ANOS1: variants seen among roughly 807,000 people sequenced by gnomAD.
ANOS1 encodes the protein anosmin 1.
A neutral mutation model predicts 59.0 loss-of-function variants in ANOS1; 6 were observed. The observed-to-expected ratio is 0.10, with a 90% confidence interval of 0.06 to 0.20. The LOEUF (loss-of-function observed/expected upper bound fraction) is 0.20, where lower values mean the gene tolerates loss of function less well. Among genes scored for constraint, ANOS1 ranks in the 10% least tolerant of loss-of-function variants. ANOS1 has a pLI of 1.00. For synonymous variants in ANOS1, 217 were observed against 223.4 expected (o/e 0.97, Z 0.25); for missense variants, 433 against 542.3 (o/e 0.80, Z 2.00).
chrX:8,538,090 T>C (rs1395038338), intron 10 of ANOS1, among the ~76,000 whole-genome samples: 1 of 110,647 alleles, frequency 9.0e-6, no homozygotes, highest in African/African-American at 3.3e-5. Flanking sequence ...AAACAGTGAA[T>C]AGGAAACAAA....
intron 2 of ANOS1, among the ~76,000 whole-genome samples, chrX:8,660,600 C>A (rs895373590): frequency 2.0e-5 from 2 of 100,048 alleles, no homozygotes; most frequent in Admixed American, 1.1e-4. Context: ...CATAGTGAGA[C>A]CCTGTCTATA....
rs191590221 is a variant in ANOS1 at position 8,614,883 on chromosome X, T to A, written c.318+8725A>T. On this transcript the variant is annotated intron_variant, in intron 3 of 13. Transcript: ENST00000262648. ...GTAATATAAGAAAAATATAAAAAAA[T>A]TTTTATATTTTATAAAAAATATAAA... 4.4e-3 allele frequency among the ~76,000 whole-genome samples: 218 copies of A among 50,025 alleles called. No individual in the cohort carries two copies. In the South Asian group the frequency reaches 0.051, roughly 12 times the overall value. 43.4% of individuals were successfully genotyped at this position (50,025 alleles called of 115,157 possible).
intron 8 of ANOS1, among the ~76,000 whole-genome samples, chrX:8,560,420 C>T (rs973908749): frequency 8.9e-6 from 1 of 112,149 alleles, no homozygotes; most frequent in African/African-American, 3.2e-5. Context: ...TGGTTCTGTG[C>T]ATCATATGGT....
intron 2 of ANOS1, among the ~76,000 whole-genome samples, chrX:8,664,593 A>C (rs778358985): frequency 1.8e-5 from 2 of 110,873 alleles, no homozygotes; most frequent in Admixed American, 1.9e-4. Context: ...GCACACACAC[A>C]CATACACACA....
At chrX:8,572,511 C>T (rs1930250152) in intron 6 of ANOS1, among the ~76,000 whole-genome samples, 1 of 112,357 alleles carries the variant, frequency 8.9e-6, no homozygotes, top group African/African-American at 3.2e-5. Flanking sequence ...ATATGTTCCA[C>T]ATTTTCTTTA....
At chrX:8,634,673 TAA>T (rs766560445) in intron 2 of ANOS1, among the ~76,000 whole-genome samples, 2 of 112,088 alleles carry the variant, frequency 1.8e-5, no homozygotes, top group Non-Finnish European at 3.8e-5. Flanking sequence ...TCTCATAACT[TAA>T]GTGTGTTTTT....
chrX:8,610,288 T>G (rs1015648916), intron 3 of ANOS1, among the ~76,000 whole-genome samples: 1 of 111,462 alleles, frequency 9.0e-6, no homozygotes, highest in African/African-American at 3.3e-5. Flanking sequence ...ACCACGTTAT[T>G]CAGACATTGG....
chrX:8,529,116 T>C lies in ANOS1; in HGVS notation c.*3879A>G, dbSNP rs901725967. Reference sequence around the variant, plus strand: ...AAGGGACATGAATTCTACAGACCACTTGGATGAGAAGGTAGCAGTTTTGTT... The same window carrying C: ...AAGGGACATGAATTCTACAGACCACCTGGATGAGAAGGTAGCAGTTTTGTT... On this transcript the variant is annotated 3_prime_UTR_variant, in exon 14 of 14. Transcript: ENST00000262648. The C allele has an allele frequency of 1.2e-4, 13 of 111,894 alleles. No homozygotes were observed. Among genetic ancestry groups the C allele is most frequent in the African/African-American group, 4.2e-4 (13 of 30,852 alleles). 9.2% of individuals were successfully genotyped at this position (111,894 alleles called of 1,213,427 possible).
intron 2 of ANOS1, among the ~76,000 whole-genome samples, chrX:8,656,680 G>A (rs963748622): frequency 2.7e-5 from 3 of 111,517 alleles, no homozygotes; most frequent in Admixed American, 9.6e-5. Context: ...CTTTCTGCAT[G>A]GCATGGATCC....
chrX:8,539,637 A>T (rs1601946119), intron 10 of ANOS1, 27 bp downstream of exon 10: 1 of 1,209,479 alleles, frequency 8.3e-7, no homozygotes, highest in East Asian at 3.0e-5. Context: ...TTCACAGATC[A>T]AGTTGGCCTA....
At chrX:8,654,520 C>T (rs1931899659) in intron 2 of ANOS1, among the ~76,000 whole-genome samples, 1 of 112,250 alleles carries the variant, frequency 8.9e-6, no homozygotes, top group Non-Finnish European at 1.9e-5. Flanking sequence ...TTACAAACCT[C>T]GATTCTTGCT....
chrX:8,535,272 T>C (rs1929569905), intron 12 of ANOS1: 7 of 278,782 alleles, frequency 2.5e-5, no homozygotes, highest in African/African-American at 2.7e-5. Context: ...GCATGTTCAC[T>C]TGGACCAGAG....
In ANOS1 at chrX:8,597,322, T is replaced by C. The variant is rs1406648859; in HGVS notation, c.319-66A>G. The stretch of plus-strand genomic sequence containing the variant: ...CACATGAAGTCTGATTTCCAAGACA[T>C]CTGAAAGGAAGTTCAACATTTTTCC... On this transcript the variant is annotated intron_variant, in intron 3 of 13. Transcript: ENST00000262648. 30 of 957,528 alleles carry C rather than the reference T, an allele frequency of 3.1e-5. No individual in the cohort carries two copies. The East Asian group carries it at 9.8e-4, about 31-fold the overall frequency. The allele number at this position is 957,528 out of a possible 1,213,427, so 78.9% of individuals were successfully genotyped here. A position where few individuals can be genotyped will look rare whatever the true frequency, so the allele number is the denominator to read the frequency against.
In ANOS1 at chrX:8,731,962, G is replaced by C. The variant is rs1385517580; in HGVS notation, c.75C>G (p.Ala25=). 9.0e-7 allele frequency: 1 copy of C among 1,110,660 alleles called. No homozygotes were observed. Among genetic ancestry groups the C allele is most frequent in the Non-Finnish European group, 1.2e-6 (1 of 849,278 alleles). 91.5% of individuals were successfully genotyped at this position (1,110,660 alleles called of 1,213,427 possible). A position where few individuals can be genotyped will look rare whatever the true frequency, so the allele number is the denominator to read the frequency against. Residue 25 remains alanine (A), a synonymous_variant, in exon 1 of 14, where the codon GCC becomes GCG. Coordinates refer to ENST00000262648, the MANE Select transcript of ANOS1 (RefSeq NM_000216.4). ...GCCGCGCAGCAGCCGCGCCGGGGCC[G>C]GCCGCCAGGCAGCCGCTGGAGGCCG... ...WLAASSGCLA[A]GPGAAAARRL...
intron 2 of ANOS1, among the ~76,000 whole-genome samples, chrX:8,646,239 G>A (rs773410363): frequency 3.6e-5 from 4 of 111,155 alleles, no homozygotes; most frequent in South Asian, 3.9e-4. Flanking sequence ...GTTCAGTGGC[G>A]CGACCTCAGC....
chrX:8,661,724 C>A (rs989323262), intron 2 of ANOS1, among the ~76,000 whole-genome samples: 1 of 104,295 alleles, frequency 9.6e-6, no homozygotes, highest in Admixed American at 1.0e-4. Flanking sequence ...CCATGACCCC[C>A]ATGTGGTCCT....
intron 6 of ANOS1, among the ~76,000 whole-genome samples, chrX:8,575,648 A>G (rs958800233): frequency 1.8e-5 from 2 of 112,224 alleles, no homozygotes; most frequent in Admixed American, 1.9e-4. Context: ...TGAAAACAAC[A>G]TTTGAGAAAA....
chrX:8,586,816 G>A (rs180746102), intron 5 of ANOS1, among the ~76,000 whole-genome samples: 1 of 103,289 alleles, frequency 9.7e-6, no homozygotes, highest in East Asian at 3.0e-4. Flanking sequence ...TTAATGTTGT[G>A]TTTTTACATC....
intron 3 of ANOS1, among the ~76,000 whole-genome samples, chrX:8,610,032 AAAACAAC>A (rs1396272331): frequency 5.6e-5 from 5 of 89,073 alleles, no homozygotes; most frequent in Non-Finnish European, 4.4e-5. Flanking sequence ...AAAAAAAAAA[AAAACAAC>A]AACCTTTAAA....
Sources: gnomAD v4.1 joint callset for allele counts (sites outside exome capture counted in the v4.1 genomes callset) on GRCh38, gnomAD v4.1.1 for gene constraint, MANE v1.5 for transcripts, NCBI Gene and HGNC (gene_info 2026-07-23, HGNC 2026-07-21) for gene names.